The following BLOC1S3 variants were observed in gnomAD, a reference collection of about 807,000 sequenced individuals.
BLOC1S3 encodes biogenesis of lysosome-related organelles complex 1 subunit 3.
In BLOC1S3, 7 loss-of-function variants were observed where a neutral mutation model predicts 9.1. That is an observed-to-expected ratio of 0.77 (90% CI 0.44 to 1.45). The LOEUF is 1.45. BLOC1S3 is among the 40% of genes most tolerant of loss of function. BLOC1S3 has a pLI of 0.01. For missense variants in BLOC1S3, 307 were observed against 315.2 expected, an observed-to-expected ratio of 0.97 and a Z score of 0.20; for synonymous variants, 145 against 158.4, an observed-to-expected ratio of 0.92 and a Z score of 0.64.
chr19:45,182,498 T>C (rs1485683366), downstream of BLOC1S3, among the ~76,000 whole-genome samples: 1 of 151,944 alleles, frequency 6.6e-6, no homozygotes, highest in Non-Finnish European at 1.5e-5. Flanking sequence ...TGAAACTCTA[T>C]CTCCACTAAA....
chr19:45,188,365 A>G (rs1482606108), intron 2 of BLOC1S3, among the ~76,000 whole-genome samples: 5 of 151,714 alleles, frequency 3.3e-5, no homozygotes, highest in African/African-American at 9.7e-5. Flanking sequence ...TAATAGAGAT[A>G]GTCTCTGCCA....
At chr19:45,195,667 G>A (rs1369869462) in intron 2 of BLOC1S3, among the ~76,000 whole-genome samples, 3 of 148,054 alleles carry the variant, frequency 2.0e-5, no homozygotes, top group Non-Finnish European at 4.5e-5. Flanking sequence ...TGACCTCAGT[G>A]CACTGCAATC....
chr19:45,202,125 T>C (rs1388157813), intron 2 of BLOC1S3, among the ~76,000 whole-genome samples: 1 of 142,800 alleles, frequency 7.0e-6, no homozygotes, highest in African/African-American at 2.6e-5. Flanking sequence ...GGCAGGAGAA[T>C]GGCGTGAACC....
At chr19:45,211,685 T>C (rs1232033557) in intron 3 of BLOC1S3, among the ~76,000 whole-genome samples, 1 of 151,642 alleles carries the variant, frequency 6.6e-6, no homozygotes, top group African/African-American at 2.4e-5. Context: ...AAGCACAGCC[T>C]TGGGCTCCGA....
Position 45,180,318 on chromosome 19 carries a change from C to CT in BLOC1S3, c.*414dup. The CT allele has an allele frequency of 6.5e-6, 1 of 152,774 alleles. No individual in the cohort carries two copies. The highest frequency in any genetic ancestry group is 1.4e-5 in the Non-Finnish European group (1 of 71,552). 9.5% of individuals were successfully genotyped at this position (152,774 alleles called of 1,614,324 possible). A position where few individuals can be genotyped will look rare whatever the true frequency, so the allele number is the denominator to read the frequency against. On this transcript the variant is annotated 3_prime_UTR_variant, in exon 2 of 2. Transcript: ENST00000433642. ...AGTGCAGTGGCGGGATTACTGCTCA[C>CT]TGCAACCTCGACCTCCTGGGCTCAA... is the stretch of plus-strand genomic sequence containing the variant.
chr19:45,216,263 G>T, intron 3 of BLOC1S3: 1 of 1,571,296 alleles, frequency 6.4e-7, no homozygotes, highest in Non-Finnish European at 8.6e-7. Context: ...GCCCCTCCTG[G>T]CTTGTTATAC....
intron 3 of BLOC1S3, chr19:45,212,875 C>T (rs1969790065): frequency 5.2e-6 from 3 of 576,306 alleles, no homozygotes; most frequent in Non-Finnish European, 8.3e-6. Flanking sequence ...GTTGGGATTA[C>T]AGGCATGAGC....
intron 2 of BLOC1S3, among the ~76,000 whole-genome samples, chr19:45,201,353 T>C (rs183875822): frequency 2.6e-5 from 4 of 152,232 alleles, no homozygotes; most frequent in East Asian, 1.9e-4. Flanking sequence ...CGGAGCTGCC[T>C]GGGGCTGCTG....
chr19:45,195,198 C>T (rs1231481780), intron 2 of BLOC1S3, among the ~76,000 whole-genome samples: 2 of 151,356 alleles, frequency 1.3e-5, no homozygotes, highest in Non-Finnish European at 2.9e-5. Context: ...TGTGAGCCAC[C>T]GCGCCTGGCC....
At position 45,193,130 on chromosome 19, in the gene BLOC1S3, CTCAAAAAAAAAAA is replaced by C. The variant is rs1475240169; in HGVS notation, n.180+5391_180+5403del. On this transcript the variant is annotated intron_variant and non_coding_transcript_variant, in intron 2 of 3. Transcript: ENST00000591569. ...CTGGGCAACAAGAGCAAAACTCCGTCTCAAAAAAAAAAAAAAAAAAAAAAAAAAAAGAGACTAT... is the reference window on the plus strand; with the variant it reads ...CTGGGCAACAAGAGCAAAACTCCGTCAAAAAAAAAAAAAAAAAGAGACTAT... Among the ~76,000 whole-genome samples, 371 of 40,714 alleles carry C rather than the reference CTCAAAAAAAAAAA, an allele frequency of 9.1e-3. 2 individuals carry two copies. Among genetic ancestry groups the C allele is most frequent in the African/African-American group, 0.028 (354 of 12,738 alleles). The allele number at this position is 40,714 out of a possible 152,430, so 26.7% of individuals were successfully genotyped here.
intron 2 of BLOC1S3, among the ~76,000 whole-genome samples, chr19:45,193,631 T>C (rs1969623839): frequency 6.6e-6 from 1 of 151,622 alleles, no homozygotes; most frequent in South Asian, 2.1e-4. Flanking sequence ...AGTATTATAA[T>C]ATGTTAATTA....
At chr19:45,199,309 CTTTTTTT>C (rs34967306) in intron 2 of BLOC1S3, among the ~76,000 whole-genome samples, 1 of 72,474 alleles carries the variant, frequency 1.4e-5, no homozygotes, top group African/African-American at 6.0e-5. Context: ...GTGCCTTATT[CTTTTTTT>C]TTTTTTTTTT....
chr19:45,209,284 A>G (rs1045251515), intron 3 of BLOC1S3, among the ~76,000 whole-genome samples: 18 of 151,982 alleles, frequency 1.2e-4, no homozygotes, highest in Non-Finnish European at 2.6e-4. Context: ...CCTGACCTCA[A>G]GTGATCCGCC....
At chr19:45,198,182 C>A (rs1969663064) in intron 2 of BLOC1S3, among the ~76,000 whole-genome samples, 2 of 152,190 alleles carry the variant, frequency 1.3e-5, no homozygotes. Flanking sequence ...CTAAATAGAG[C>A]AACCGTCCAA....
At chr19:45,185,043 G>A (rs574519313), downstream of BLOC1S3, among the ~76,000 whole-genome samples, 9 of 152,034 alleles carry the variant, frequency 5.9e-5, no homozygotes, top group South Asian at 1.9e-3. Flanking sequence ...AGAAGAGGGA[G>A]AAGTCGTGAT....
intron 2 of BLOC1S3, among the ~76,000 whole-genome samples, chr19:45,197,824 C>CAAAAAA (rs55654938): frequency 7.9e-5 from 5 of 63,608 alleles, no homozygotes; most frequent in Admixed American, 2.1e-4. Flanking sequence ...GACTCCGTCT[C>CAAAAAA]AAAAAAAAAA....
downstream of BLOC1S3, among the ~76,000 whole-genome samples, chr19:45,184,887 G>A (rs1388308633): frequency 5.7e-5 from 6 of 105,080 alleles, no homozygotes; most frequent in African/African-American, 1.1e-4. Context: ...GTGAAAGAGC[G>A]AGACTCTGTC....
chr19:45,210,720 C>G (rs1969762999), intron 3 of BLOC1S3, among the ~76,000 whole-genome samples: 1 of 152,162 alleles, frequency 6.6e-6, no homozygotes, highest in Admixed American at 6.6e-5. Context: ...CCTCCCACCT[C>G]TGTGTCCCAA....
chr19:45,194,215 C>T (rs1969630995), intron 2 of BLOC1S3, among the ~76,000 whole-genome samples: 1 of 145,080 alleles, frequency 6.9e-6, no homozygotes, highest in African/African-American at 2.6e-5. Flanking sequence ...CAGGTTCAAG[C>T]AATTCTCCTG....
Sources: gnomAD v4.1 joint callset for allele counts (sites outside exome capture counted in the v4.1 genomes callset) on GRCh38, gnomAD v4.1.1 for gene constraint, MANE v1.5 for transcripts, NCBI Gene and HGNC (gene_info 2026-07-23, HGNC 2026-07-21) for gene names.